OCA2: variants seen among roughly 807,000 people sequenced by gnomAD.
The protein encoded by OCA2 is P protein.
In OCA2, 77 loss-of-function variants were observed where a neutral mutation model predicts 100.2. That is an observed-to-expected ratio of 0.77 (90% CI 0.64 to 0.93). OCA2 has a LOEUF of 0.93. Ranked by LOEUF, OCA2 falls within the 40% of genes least tolerant of loss-of-function variation. The pLI is 0.00. For missense variants in OCA2, 1,062 were observed against 1,089.1 expected, an observed-to-expected ratio of 0.98 and a Z score of 0.35; for synonymous variants, 432 against 439.2, an observed-to-expected ratio of 0.98 and a Z score of 0.21.
At chr15:27,873,340 T>A (rs1207042052) in intron 19 of OCA2, among the ~76,000 whole-genome samples, 1 of 152,072 alleles carries the variant, frequency 6.6e-6, no homozygotes, top group Non-Finnish European at 1.5e-5. Context: ...TCTGGGGGAG[T>A]AAAATCACCC....
intron 20 of OCA2, 72 bp downstream of exon 20, chr15:27,871,788 CTTT>C: frequency 2.3e-6 from 2 of 869,100 alleles, no homozygotes; most frequent in Non-Finnish European, 3.5e-6. Flanking sequence ...TACCAGAGTG[CTTT>C]TTTTTTTTAA....
At chr15:27,829,982 A>G (rs2034888942) in intron 23 of OCA2, among the ~76,000 whole-genome samples, 1 of 152,252 alleles carries the variant, frequency 6.6e-6, no homozygotes, top group Non-Finnish European at 1.5e-5. Flanking sequence ...AAAGATGTTA[A>G]TTCTCTTGAT....
intron 1 of OCA2, among the ~76,000 whole-genome samples, chr15:28,091,145 T>C (rs1264353367): frequency 2.0e-5 from 3 of 152,198 alleles, no homozygotes; most frequent in African/African-American, 7.2e-5. Context: ...CAATATAAAA[T>C]GGGTAATGTC....
At chr15:28,034,958 G>A (rs747202858) in intron 2 of OCA2, among the ~76,000 whole-genome samples, 1 of 152,188 alleles carries the variant, frequency 6.6e-6, no homozygotes, top group Non-Finnish European at 1.5e-5. Flanking sequence ...CCTCAGGAGA[G>A]GGAGAGTGCT....
chr15:27,829,400 C>T (rs1338040356), intron 23 of OCA2, among the ~76,000 whole-genome samples: 1 of 152,194 alleles, frequency 6.6e-6, no homozygotes. Context: ...GTCAACCACA[C>T]CTCACCTAGA....
rs555063507 is a variant in OCA2, at chr15:27,855,291, A to T, written c.2245-3816T>A. Among the ~76,000 whole-genome samples, 3 of 152,286 alleles carry T rather than the reference A, an allele frequency of 2.0e-5. 1 individual carries two copies. The South Asian group carries it at 6.2e-4, about 32-fold the overall frequency. On this transcript the variant is annotated intron_variant, in intron 21 of 23. Coordinates refer to ENST00000354638, the MANE Select transcript of OCA2 (RefSeq NM_000275.3). ...GCCAGCCATGACCTTTCCATCTCTG[A>T]AGTCTGCCCATGCAACTGACCTGAC...
At chr15:27,769,121 A>C (rs1412163068) in intron 23 of OCA2, among the ~76,000 whole-genome samples, 1 of 152,200 alleles carries the variant, frequency 6.6e-6, no homozygotes, top group African/African-American at 2.4e-5. Context: ...AACAATCTCA[A>C]CCAAAAGCTC....
Position 27,851,544 on chromosome 15 carries a change from T to C in OCA2, c.2245-69A>G, listed in dbSNP as rs1458158440. 17 of 1,252,140 alleles carry C rather than the reference T, an allele frequency of 1.4e-5. No individual in the cohort carries two copies. In the East Asian group the frequency reaches 3.2e-4, roughly 24 times the overall value. 77.6% of individuals were successfully genotyped at this position (1,252,140 alleles called of 1,614,324 possible). On this transcript the variant is annotated intron_variant, in intron 21 of 23. Coordinates refer to ENST00000354638, the MANE Select transcript of OCA2 (RefSeq NM_000275.3). Reference sequence around the variant, plus strand: ...AGAGAAGCTGCCATACTGTGACCAATTTAGAAAATCCAAATGCTTTCTCAG... The same window carrying C: ...AGAGAAGCTGCCATACTGTGACCAACTTAGAAAATCCAAATGCTTTCTCAG...
the OCA2 span, among the ~76,000 whole-genome samples, chr15:27,731,919 C>G: frequency 6.6e-5 from 10 of 152,328 alleles, no homozygotes; most frequent in South Asian, 1.5e-3. Context: ...ATGTGGAACC[C>G]ATTCCAGTAC....
chr15:27,937,196 A>G (rs1379837451), intron 18 of OCA2, among the ~76,000 whole-genome samples: 1 of 152,192 alleles, frequency 6.6e-6, no homozygotes, highest in Admixed American at 6.5e-5. Context: ...CTTTTCTGTC[A>G]GATTTTTCTT....
chr15:27,904,800 T>G (rs59872183), intron 19 of OCA2, among the ~76,000 whole-genome samples: 6,137 of 152,198 alleles, frequency 0.04, 421 homozygotes, highest in African/African-American at 0.14. Flanking sequence ...CTCTGAAATC[T>G]CCATGGACCT....
At chr15:27,737,011 G>A in the OCA2 span, among the ~76,000 whole-genome samples, 1 of 151,804 alleles carries the variant, frequency 6.6e-6, no homozygotes, top group Non-Finnish European at 1.5e-5. Flanking sequence ...TAGACAGAGG[G>A]CCAACACATA....
intron 19 of OCA2, among the ~76,000 whole-genome samples, chr15:27,885,166 G>A (rs566705328): frequency 2.0e-5 from 3 of 152,342 alleles, no homozygotes; most frequent in Middle Eastern, 3.4e-3. Flanking sequence ...AGAAATGACA[G>A]TTAGCCAGGA....
intron 2 of OCA2, among the ~76,000 whole-genome samples, chr15:28,056,283 A>C (rs1386573737): frequency 6.6e-6 from 1 of 152,218 alleles, no homozygotes; most frequent in Non-Finnish European, 1.5e-5. Flanking sequence ...TGATTTCTCA[A>C]GAATTCCCAC....
intron 6 of OCA2, among the ~76,000 whole-genome samples, chr15:28,019,226 G>A (rs2042508029): frequency 6.6e-6 from 1 of 152,018 alleles, no homozygotes; most frequent in South Asian, 2.1e-4. Flanking sequence ...TGGGGAAAGA[G>A]GGAGGGAGAG....
At chr15:27,907,311 A>C (rs769004714) in intron 19 of OCA2, among the ~76,000 whole-genome samples, 8 of 152,258 alleles carry the variant, frequency 5.3e-5, no homozygotes, top group Non-Finnish European at 1.0e-4. Context: ...GGAAATAGAA[A>C]CAGAAATTAC....
intron 19 of OCA2, among the ~76,000 whole-genome samples, chr15:27,899,893 C>T (rs2037855917): frequency 6.6e-6 from 1 of 152,142 alleles, no homozygotes; most frequent in African/African-American, 2.4e-5. Flanking sequence ...GCACTCCCTC[C>T]CTTATTACTA....
intron 17 of OCA2, among the ~76,000 whole-genome samples, chr15:27,953,015 C>T (rs1449848262): frequency 1.3e-5 from 2 of 152,110 alleles, no homozygotes; most frequent in Non-Finnish European, 2.9e-5. Flanking sequence ...CTGGTCCCAC[C>T]AGCACACCTG....
chr15:27,844,183 G>T (rs2035447803), intron 23 of OCA2, among the ~76,000 whole-genome samples: 1 of 152,160 alleles, frequency 6.6e-6, no homozygotes, highest in Non-Finnish European at 1.5e-5. Context: ...GCTCTACTCT[G>T]CAGGCATCCG....
Sources: allele counts gnomAD v4.1 joint callset (sites outside exome capture counted in the v4.1 genomes callset), GRCh38; gene constraint gnomAD v4.1.1; transcripts MANE v1.5; gene names NCBI Gene and HGNC (gene_info 2026-07-23, HGNC 2026-07-21).